The following CHRNB3 variants were observed in gnomAD, a reference collection of about 807,000 sequenced individuals.
CHRNB3 encodes neuronal acetylcholine receptor subunit beta-3.
In CHRNB3, 37 loss-of-function variants were observed where a neutral mutation model predicts 40.6. The ratio of observed to expected loss-of-function variants is 0.91; its 90% CI spans 0.70 to 1.20. The LOEUF is 1.20. Among genes scored for constraint, CHRNB3 ranks in the 50% most tolerant of loss-of-function variants. The pLI is 0.00. For missense variants in CHRNB3, 505 were observed against 551.2 expected, an observed-to-expected ratio of 0.92 and a Z score of 0.84; for synonymous variants, 207 against 207.1, an observed-to-expected ratio of 1.00 and a Z score of 0.00.
chr8:42,736,704 C>T lies in CHRNB3; in HGVS notation c.*86C>T, dbSNP rs572369481. On this transcript the variant is annotated 3_prime_UTR_variant, in exon 6 of 6. Coordinates refer to ENST00000289957, the MANE Select transcript of CHRNB3 (RefSeq NM_000749.5). ...CAGAATCCAAATGCATGTGCTTGTT[C>T]TACGAACCCCGAATGCGTTGTCTTT... The T allele has an allele frequency of 1.4e-6, 2 of 1,473,974 alleles. No individual in the cohort carries two copies. The highest frequency in any genetic ancestry group is 2.3e-5 in the East Asian group (1 of 44,048). The allele number at this position is 1,473,974 out of a possible 1,614,324, so 91.3% of individuals were successfully genotyped here.
intron 5 of CHRNB3, among the ~76,000 whole-genome samples, chr8:42,735,284 T>G (rs1816504181): frequency 6.6e-6 from 1 of 151,988 alleles, no homozygotes; most frequent in Admixed American, 6.6e-5. Context: ...ACGCCTGTAA[T>G]CCTAGAACTT....
chr8:42,698,378 C>T (rs964150348), intron 1 of CHRNB3, among the ~76,000 whole-genome samples: 3 of 152,158 alleles, frequency 2.0e-5, no homozygotes, highest in Non-Finnish European at 2.9e-5. Flanking sequence ...CATCTGAAAC[C>T]GCAGCCAGAT....
intron 3 of CHRNB3, among the ~76,000 whole-genome samples, chr8:42,728,019 CATT>C (rs1421790542): frequency 3.3e-5 from 5 of 152,034 alleles, no homozygotes; most frequent in African/African-American, 1.2e-4. Flanking sequence ...TTGTGAAAGA[CATT>C]AGTAAAAGGA....
chr8:42,698,894 C>T (rs1815727310), intron 1 of CHRNB3, among the ~76,000 whole-genome samples: 1 of 152,138 alleles, frequency 6.6e-6, no homozygotes, highest in African/African-American at 2.4e-5. Context: ...TAAGTCTCGT[C>T]CTCTGTGTAC....
intron 3 of CHRNB3, among the ~76,000 whole-genome samples, chr8:42,723,597 C>T (rs76473512): frequency 2.6e-5 from 4 of 152,134 alleles, no homozygotes; most frequent in African/African-American, 9.7e-5. Flanking sequence ...CACCAGGCTG[C>T]ACATCTCCTG....
At chr8:42,735,081 G>T (rs769935117) in intron 5 of CHRNB3, among the ~76,000 whole-genome samples, 1 of 151,740 alleles carries the variant, frequency 6.6e-6, no homozygotes, top group East Asian at 2.0e-4. Flanking sequence ...TTAGCCGGGC[G>T]TGGTGGCCGG....
In CHRNB3 at chr8:42,701,455, G is replaced by A. The variant is rs545835077; in HGVS notation, c.52+3857G>A. 5.0e-3 allele frequency among the ~76,000 whole-genome samples: 764 copies of A among 151,920 alleles called. 9 individuals are homozygous for A. The highest frequency in any genetic ancestry group is 0.017 in the African/African-American group (723 of 41,418). On this transcript the variant is annotated intron_variant, in intron 1 of 5. Coordinates refer to ENST00000289957, the MANE Select transcript of CHRNB3 (RefSeq NM_000749.5). ...GCTACTCGGGAGGCTGAGGCAGGAC[G>A]ATCACATGAGCCCAGGAGGTTGAGG...
chr8:42,698,959 T>A (rs1225508805), intron 1 of CHRNB3, among the ~76,000 whole-genome samples: 1 of 152,208 alleles, frequency 6.6e-6, no homozygotes, highest in Non-Finnish European at 1.5e-5. Flanking sequence ...TTGGTCTCCA[T>A]TGTGTGGGCT....
chr8:42,722,178 A>G (rs941263094), intron 3 of CHRNB3, among the ~76,000 whole-genome samples: 1 of 152,072 alleles, frequency 6.6e-6, no homozygotes, highest in Non-Finnish European at 1.5e-5. Context: ...ATTCGAGACC[A>G]GCCTGACCGA....
chr8:42,718,974 G>A (rs1330680416), intron 3 of CHRNB3, among the ~76,000 whole-genome samples: 3 of 152,052 alleles, frequency 2.0e-5, no homozygotes, highest in East Asian at 1.9e-4. Flanking sequence ...TATCCTGTGC[G>A]ATCCTGTTTC....
intron 1 of CHRNB3, among the ~76,000 whole-genome samples, chr8:42,706,909 T>C (rs921133837): frequency 6.6e-6 from 1 of 152,130 alleles, no homozygotes. Context: ...TATAGGGGTG[T>C]GCCACCATGC....
chr8:42,698,206 A>G (rs2128903655), intron 1 of CHRNB3, among the ~76,000 whole-genome samples: 1 of 152,348 alleles, frequency 6.6e-6, no homozygotes, highest in South Asian at 2.1e-4. Flanking sequence ...AGATAGAGAC[A>G]GAGATGCAGA....
In CHRNB3 at chr8:42,700,334, G is replaced by GT. The variant is rs1242651692; in HGVS notation, c.52+2743dup. Among the ~76,000 whole-genome samples, 7 of 135,144 alleles carry GT rather than the reference G, an allele frequency of 5.2e-5. No homozygotes were observed. In the South Asian group the frequency reaches 7.2e-4, roughly 14 times the overall value. The allele number at this position is 135,144 out of a possible 152,430, so 88.7% of individuals were successfully genotyped here. On this transcript the variant is annotated intron_variant, in intron 1 of 5. Coordinates refer to ENST00000289957, the MANE Select transcript of CHRNB3 (RefSeq NM_000749.5). Reference sequence around the variant, plus strand: ...CCGGCCTTGTTTTTTGTTTTTTGTGGTTTTTTTGAGACGGAATCTCGCTCT... The same window carrying GT: ...CCGGCCTTGTTTTTTGTTTTTTGTGGTTTTTTTTGAGACGGAATCTCGCTCT...
intron 3 of CHRNB3, chr8:42,726,145 G>T: frequency 1.5e-6 from 2 of 1,359,836 alleles, no homozygotes; most frequent in Non-Finnish European, 2.1e-6. Flanking sequence ...TTGCCTGGGT[G>T]GCTTTGAGGG....
chr8:42,724,799 T>C (rs1358676564), intron 3 of CHRNB3, among the ~76,000 whole-genome samples: 1 of 151,882 alleles, frequency 6.6e-6, no homozygotes, highest in East Asian at 1.9e-4. Context: ...GCCAACACGG[T>C]GAAACCCCAT....
At chr8:42,701,421 G>C (rs959772837) in intron 1 of CHRNB3, among the ~76,000 whole-genome samples, 1 of 151,730 alleles carries the variant, frequency 6.6e-6, no homozygotes, top group Non-Finnish European at 1.5e-5. Flanking sequence ...GCATGCTCCT[G>C]TAGTCGCAGC....
intron 3 of CHRNB3, among the ~76,000 whole-genome samples, chr8:42,724,716 C>T (rs1305458378): frequency 1.3e-5 from 2 of 151,998 alleles, no homozygotes; most frequent in African/African-American, 2.4e-5. Flanking sequence ...CGGTGGCTCA[C>T]GCCTGTAATC....
intron 1 of CHRNB3, among the ~76,000 whole-genome samples, chr8:42,707,331 T>C (rs767695134): frequency 6.6e-6 from 1 of 152,242 alleles, no homozygotes; most frequent in Non-Finnish European, 1.5e-5. Flanking sequence ...CTGGAGGGTA[T>C]GTCTCTCATG....
intron 5 of CHRNB3, 27 bp from the exon 6 acceptor site, chr8:42,736,457 T>A: frequency 6.2e-7 from 1 of 1,613,328 alleles, no homozygotes; most frequent in Non-Finnish European, 8.5e-7. Flanking sequence ...GTGTCTTGAG[T>A]GAAAGGCATC....
Sources: allele counts gnomAD v4.1 joint callset (sites outside exome capture counted in the v4.1 genomes callset), GRCh38; gene constraint gnomAD v4.1.1; transcripts MANE v1.5; gene names NCBI Gene and HGNC (gene_info 2026-07-23, HGNC 2026-07-21).